SUPT3H: variants seen among roughly 807,000 people sequenced by gnomAD.
SUPT3H encodes the protein transcription initiation protein SPT3 homolog.
SUPT3H carries 44 observed loss-of-function variants against 44.3 expected under a neutral mutation model. That is an observed-to-expected ratio of 0.99 (90% confidence interval 0.78 to 1.28). The LOEUF (loss-of-function observed/expected upper bound fraction) is 1.28, where lower values mean the gene tolerates loss of function less well. Among genes scored for constraint, SUPT3H ranks in the 50% most tolerant of loss-of-function variants. The pLI, the probability that SUPT3H is intolerant of heterozygous loss-of-function variation, is 0.00. For synonymous variants in SUPT3H, 124 were observed against 125.6 expected, an observed-to-expected ratio of 0.99 and a Z score of 0.09; for missense variants, 380 against 387.1, an observed-to-expected ratio of 0.98 and a Z score of 0.15.
intron 3 of SUPT3H, among the ~76,000 whole-genome samples, chr6:45,029,781 A>G (rs1425764090): frequency 6.6e-6 from 1 of 152,104 alleles, no homozygotes; most frequent in African/African-American, 2.4e-5. Context: ...TTTTCTTTTT[A>G]AGAGACAGGG....
chr6:45,270,823 T>C (rs1371445053), intron 2 of SUPT3H, among the ~76,000 whole-genome samples: 1 of 152,200 alleles, frequency 6.6e-6, no homozygotes, highest in African/African-American at 2.4e-5. Flanking sequence ...TGGAACTCCC[T>C]AGAGACTTGT....
At chr6:44,884,814 T>C (rs530520193) in intron 10 of SUPT3H, among the ~76,000 whole-genome samples, 125 of 152,260 alleles carry the variant, frequency 8.2e-4, no homozygotes, top group African/African-American at 1.6e-3. Flanking sequence ...GGGCGAGGCA[T>C]TGCTTCACTT....
At chr6:45,133,818 T>A (rs1219212920) in intron 2 of SUPT3H, among the ~76,000 whole-genome samples, 1 of 152,140 alleles carries the variant, frequency 6.6e-6, no homozygotes, top group Non-Finnish European at 1.5e-5. Context: ...AAAGTGGCAA[T>A]ATTAGTGGCA....
At chr6:45,357,073 C>T in intron 2 of SUPT3H, among the ~76,000 whole-genome samples, 1 of 152,170 alleles carries the variant, frequency 6.6e-6, no homozygotes, top group East Asian at 1.9e-4. Flanking sequence ...GTGGCACGAT[C>T]TCGGCTCACT....
intron 2 of SUPT3H, among the ~76,000 whole-genome samples, chr6:45,187,101 T>TAAAAAAAAA (rs70996308): frequency 9.1e-4 from 73 of 79,850 alleles, no homozygotes; most frequent in African/African-American, 3.2e-3. Context: ...TTTTCGCCTT[T>TAAAAAAAAA]AAAAAAAAAA....
intron 10 of SUPT3H, among the ~76,000 whole-genome samples, chr6:44,858,640 A>G (rs1398457593): frequency 6.6e-6 from 1 of 152,210 alleles, no homozygotes; most frequent in African/African-American, 2.4e-5. Context: ...TGGCAATTTC[A>G]TCTTTATCCC....
intron 2 of SUPT3H, among the ~76,000 whole-genome samples, chr6:45,163,099 A>G (rs1191717233): frequency 2.0e-5 from 3 of 152,198 alleles, no homozygotes; most frequent in Non-Finnish European, 2.9e-5. Flanking sequence ...TATCTAAAAC[A>G]TTAGTGAGCA....
At chr6:45,217,242 C>A (rs893653723) in intron 2 of SUPT3H, among the ~76,000 whole-genome samples, 1 of 151,902 alleles carries the variant, frequency 6.6e-6, no homozygotes, top group Admixed American at 6.6e-5. Flanking sequence ...TTTGGGAGGC[C>A]GAGGCAGGTG....
At chr6:45,060,260 A>C (rs1791776985) in intron 3 of SUPT3H, among the ~76,000 whole-genome samples, 1 of 152,098 alleles carries the variant, frequency 6.6e-6, no homozygotes, top group Admixed American at 6.6e-5. Context: ...GCATAGACTA[A>C]TGGAACAGAA....
chr6:45,313,926 T>C (rs1784340935), intron 2 of SUPT3H, among the ~76,000 whole-genome samples: 1 of 152,090 alleles, frequency 6.6e-6, no homozygotes, highest in South Asian at 2.1e-4. Flanking sequence ...CAGTAACACA[T>C]CAAAAAGATA....
chr6:45,000,744 C>T (rs1188605053), intron 6 of SUPT3H, among the ~76,000 whole-genome samples: 1 of 151,996 alleles, frequency 6.6e-6, no homozygotes, highest in African/African-American at 2.4e-5. Flanking sequence ...TATTAAGCCT[C>T]TGATATGAAA....
At chr6:44,968,560 C>G (rs1777105438) in intron 6 of SUPT3H, among the ~76,000 whole-genome samples, 1 of 152,024 alleles carries the variant, frequency 6.6e-6, no homozygotes, top group East Asian at 1.9e-4. Context: ...CTAAGTAAGC[C>G]TCCCTCAAAA....
intron 2 of SUPT3H, among the ~76,000 whole-genome samples, chr6:45,296,429 G>A (rs1190023730): frequency 6.6e-6 from 1 of 151,960 alleles, no homozygotes; most frequent in Non-Finnish European, 1.5e-5. Context: ...GGGTGGGAAG[G>A]GGGTTAGGGA....
intron 2 of SUPT3H, among the ~76,000 whole-genome samples, chr6:45,242,960 C>T (rs1019812279): frequency 7.9e-5 from 12 of 151,948 alleles, no homozygotes; most frequent in African/African-American, 2.9e-4. Flanking sequence ...TTTGGGAGGC[C>T]GAGGAGTGTG....
chr6:44,934,155 C>T (rs1317942945), intron 9 of SUPT3H, among the ~76,000 whole-genome samples: 2 of 152,018 alleles, frequency 1.3e-5, no homozygotes, highest in East Asian at 3.9e-4. Flanking sequence ...ACATTTTTTA[C>T]TCATAATTCT....
intron 9 of SUPT3H, among the ~76,000 whole-genome samples, chr6:44,944,146 G>A (rs1200369906): frequency 1.3e-5 from 2 of 151,422 alleles, no homozygotes; most frequent in Non-Finnish European, 2.9e-5. Context: ...TAAAGGACCT[G>A]GACCTATATA....
chr6:45,041,842 A>C (rs1583213663), intron 3 of SUPT3H, among the ~76,000 whole-genome samples: 1 of 152,240 alleles, frequency 6.6e-6, no homozygotes, highest in African/African-American at 2.4e-5. Context: ...CAATGTCCTC[A>C]TTTCAAATAT....
chr6:45,003,494 C>A (rs1334077893), intron 6 of SUPT3H, among the ~76,000 whole-genome samples, 159 bp downstream of exon 6: 1 of 152,140 alleles, frequency 6.6e-6, no homozygotes, highest in Admixed American at 6.6e-5. Context: ...ATCTGACTCC[C>A]ACTTCAGGGG....
At chr6:44,932,564 C>T (rs1476154888) in intron 10 of SUPT3H, 89 bp downstream of exon 10, 1 of 907,626 alleles carries the variant, frequency 1.1e-6, no homozygotes, top group Non-Finnish European at 1.6e-6. Flanking sequence ...TTGCTTTCAA[C>T]AATTCCATTG....
Sources: allele counts gnomAD v4.1 joint callset (sites outside exome capture counted in the v4.1 genomes callset), GRCh38; gene constraint gnomAD v4.1.1; transcripts MANE v1.5; gene names NCBI Gene and HGNC (gene_info 2026-07-23, HGNC 2026-07-21).